DRC11: variants seen among roughly 807,000 people sequenced by gnomAD.
The protein encoded by DRC11 is dynein regulatory complex subunit 11, also known as IQ and AAA domain-containing protein 1.
At chr2:236,447,710 G>A in the DRC11 span, among the ~76,000 whole-genome samples, 1 of 152,170 alleles carries the variant, frequency 6.6e-6, no homozygotes. The surrounding 1 kb of genome is among the most constrained non-coding windows in gnomAD (Gnocchi z 4.6). Context: ...TGTAGATTTG[G>A]GTGAAATGAG....
At chr2:236,451,093 T>G in the DRC11 span, among the ~76,000 whole-genome samples, 3 of 152,298 alleles carry the variant, frequency 2.0e-5, no homozygotes, top group Middle Eastern at 6.8e-3. Flanking sequence ...CATAAGGTTC[T>G]TATACTTTTC....
the DRC11 span, among the ~76,000 whole-genome samples, chr2:236,506,756 G>A: frequency 6.6e-6 from 1 of 152,226 alleles, no homozygotes; most frequent in South Asian, 2.1e-4. This position sits in a 1 kb window ranked among gnomAD's most constrained non-coding sequence, Gnocchi z 4.9. Context: ...TTGTGCAAGT[G>A]CTGTGTAAAC....
At chr2:236,482,736 T>C in the DRC11 span, among the ~76,000 whole-genome samples, 3 of 152,292 alleles carry the variant, frequency 2.0e-5, no homozygotes, top group East Asian at 5.8e-4. This position sits in a 1 kb window ranked among gnomAD's most constrained non-coding sequence, Gnocchi z 4.5. Context: ...TAATGATGCA[T>C]CTTACAATTG....
the DRC11 span, among the ~76,000 whole-genome samples, chr2:236,463,078 A>G: frequency 6.6e-6 from 1 of 152,188 alleles, no homozygotes; most frequent in African/African-American, 2.4e-5. The surrounding 1 kb of genome is among the most constrained non-coding windows in gnomAD (Gnocchi z 5.0). Flanking sequence ...TATTCTGGGT[A>G]ACAGAATATG....
At chr2:236,388,273 A>C in the DRC11 span, among the ~76,000 whole-genome samples, 2 of 149,982 alleles carry the variant, frequency 1.3e-5, no homozygotes, top group Admixed American at 1.3e-4. Context: ...ACTTGGTTCC[A>C]TTCTCCCCAT....
At chr2:236,482,027 TGTATAATTCTAG>T in the DRC11 span, among the ~76,000 whole-genome samples, 33 of 95,606 alleles carry the variant, frequency 3.5e-4, no homozygotes, top group Non-Finnish European at 4.7e-4. The surrounding 1 kb of genome is among the most constrained non-coding windows in gnomAD (Gnocchi z 4.5). Context: ...ACATATTATA[TGTATAATTCTAG>T]GTATAATTCT....
chr2:236,385,969 G>A, the DRC11 span, among the ~76,000 whole-genome samples: 2 of 145,234 alleles, frequency 1.4e-5, no homozygotes, highest in East Asian at 4.1e-4. Flanking sequence ...TACATTTATT[G>A]ATTTGTGTAT....
chr2:236,358,948 G>A, the DRC11 span, among the ~76,000 whole-genome samples: 23 of 151,140 alleles, frequency 1.5e-4, no homozygotes, highest in Non-Finnish European at 2.7e-4. Flanking sequence ...CTGGGCCAGC[G>A]GGTCTGCTGG....
chr2:236,477,949 TAA>T, the DRC11 span, among the ~76,000 whole-genome samples: 1 of 152,104 alleles, frequency 6.6e-6, no homozygotes, highest in Non-Finnish European at 1.5e-5. Flanking sequence ...TTAGTCTAGC[TAA>T]AAGTCTGTTA....
the DRC11 span, among the ~76,000 whole-genome samples, chr2:236,350,506 A>G: frequency 1.1e-4 from 16 of 152,178 alleles, no homozygotes; most frequent in African/African-American, 3.1e-4. The surrounding 1 kb of genome is among the most constrained non-coding windows in gnomAD (Gnocchi z 5.2). Context: ...TTGCATCCTC[A>G]CCGGACACAT....
At chr2:236,350,173 A>G in the DRC11 span, among the ~76,000 whole-genome samples, 1 of 152,216 alleles carries the variant, frequency 6.6e-6, no homozygotes, top group Non-Finnish European at 1.5e-5. This position sits in a 1 kb window ranked among gnomAD's most constrained non-coding sequence, Gnocchi z 5.2. Flanking sequence ...ATCAGATTCT[A>G]AATCAGTTGT....
At chr2:236,324,850 T>C in the DRC11 span, 1 of 1,181,496 alleles carries the variant, frequency 8.5e-7, no homozygotes, top group South Asian at 1.4e-5. This position sits in a 1 kb window ranked among gnomAD's most constrained non-coding sequence, Gnocchi z 5.7. Flanking sequence ...CTCTTAAAAA[T>C]AAAGAAAAGC....
chr2:236,470,296 A>C, the DRC11 span, among the ~76,000 whole-genome samples: 1 of 152,184 alleles, frequency 6.6e-6, no homozygotes, highest in Non-Finnish European at 1.5e-5. This position sits in a 1 kb window ranked among gnomAD's most constrained non-coding sequence, Gnocchi z 5.1. Context: ...GTCTTGCCGG[A>C]GTGTGCTCTT....
At chr2:236,416,721 T>TTTTATATA in the DRC11 span, among the ~76,000 whole-genome samples, 4 of 64,244 alleles carry the variant, frequency 6.2e-5, no homozygotes, top group South Asian at 2.2e-3. Context: ...ATATATATAT[T>TTTTATATA]TATATATATA....
chr2:236,366,811 CCTCT>C, the DRC11 span, among the ~76,000 whole-genome samples: 2 of 144,478 alleles, frequency 1.4e-5, no homozygotes, highest in African/African-American at 2.5e-5. Context: ...CCTTCCTCCT[CCTCT>C]CTCTCTTTCT....
At chr2:236,441,260 C>T in the DRC11 span, 16 of 645,974 alleles carry the variant, frequency 2.5e-5, no homozygotes, top group Non-Finnish European at 3.3e-5. Flanking sequence ...AAGGGCTGGG[C>T]ATGGTGTCTT....
chr2:236,394,969 A>G, the DRC11 span, among the ~76,000 whole-genome samples: 10,753 of 152,238 alleles, frequency 0.071, 602 homozygotes, highest in African/African-American at 0.14. The surrounding 1 kb of genome is among the most constrained non-coding windows in gnomAD (Gnocchi z 7.0). Flanking sequence ...TGATGCAGAA[A>G]ATGATGCAAA....
the DRC11 span, among the ~76,000 whole-genome samples, chr2:236,406,378 C>T: frequency 0.03 from 4,503 of 152,220 alleles, 225 homozygotes; most frequent in African/African-American, 0.1. The surrounding 1 kb of genome is among the most constrained non-coding windows in gnomAD (Gnocchi z 4.7). Context: ...CTGAAGTAGG[C>T]TGTTGAGGGA....
chr2:236,377,132 G>A, the DRC11 span: 4 of 1,612,088 alleles, frequency 2.5e-6, no homozygotes, highest in Non-Finnish European at 3.4e-6. The surrounding 1 kb of genome is among the most constrained non-coding windows in gnomAD (Gnocchi z 4.9). Context: ...GACTTTCAGA[G>A]CCTGGATCAG....
Sources: gnomAD v4.1 joint callset for allele counts (sites outside exome capture counted in the v4.1 genomes callset) on GRCh38, gnomAD v4.1.1 for gene constraint, Gnocchi (gnomAD v3.1) non-coding constraint, MANE v1.5 for transcripts, NCBI Gene and HGNC (gene_info 2026-07-23, HGNC 2026-07-21) for gene names.